Variants in LMNA observed in about 807,000 individuals in gnomAD.
LMNA encodes the protein lamin A/C, also known as lamin.
Under a neutral mutation model 70.4 loss-of-function variants are expected in LMNA, and 20 were observed. That is an observed-to-expected ratio of 0.28 (90% CI 0.20 to 0.41). The LOEUF (loss-of-function observed/expected upper bound fraction) is 0.41. Ranked by LOEUF, LMNA falls within the 10% of genes least tolerant of loss-of-function variation. LMNA has a pLI of 1.00. For synonymous variants in LMNA, 339 were observed against 372.8 expected, an observed-to-expected ratio of 0.91 and a Z score of 1.04; for missense variants, 652 against 917.2, an observed-to-expected ratio of 0.71 and a Z score of 3.73.
chr1:156,127,407 G>A (rs1337267521), intron 1 of LMNA, among the ~76,000 whole-genome samples: 1 of 151,572 alleles, frequency 6.6e-6, no homozygotes, highest in Admixed American at 6.6e-5. Context: ...CTCTCTGCTC[G>A]TGGTTTTTCT....
chr1:156,104,847 G>C (rs748862901), intron 3 of LMNA, among the ~76,000 whole-genome samples: 1 of 152,156 alleles, frequency 6.6e-6, no homozygotes, highest in Non-Finnish European at 1.5e-5. Context: ...TGTTTTGCTG[G>C]ACCCCATACT....
chr1:156,092,306 G>A (rs555575897), intron 3 of LMNA, among the ~76,000 whole-genome samples: 1 of 152,246 alleles, frequency 6.6e-6, no homozygotes, highest in Admixed American at 6.5e-5. Flanking sequence ...GAGCACTTGA[G>A]TTCAAGGTTA....
intron 3 of LMNA, among the ~76,000 whole-genome samples, chr1:156,101,692 T>G: frequency 7.9e-6 from 1 of 126,360 alleles, no homozygotes; most frequent in African/African-American, 3.1e-5. Flanking sequence ...CTATGGTTTA[T>G]AGAGGAGAAA....
At chr1:156,126,287 C>A in intron 1 of LMNA, 1 of 1,248,942 alleles carries the variant, frequency 8.0e-7, no homozygotes, top group Non-Finnish European at 1.1e-6. Context: ...GCTCCTCCAC[C>A]TCCCCTTTGT....
intron 3 of LMNA, among the ~76,000 whole-genome samples, chr1:156,093,191 A>G (rs1648776294): frequency 6.6e-6 from 1 of 151,116 alleles, no homozygotes; most frequent in African/African-American, 2.4e-5. Flanking sequence ...CTCCCAGCCC[A>G]CATGGACTTT....
In LMNA at chr1:156,136,892, G is replaced by A. The variant is rs761738302; in HGVS notation, c.1381-29G>A. On this transcript the variant is annotated intron_variant, in intron 7 of 11. Transcript: ENST00000368300. The surrounding 1 kb of genome is among the most constrained non-coding windows in gnomAD (Gnocchi z 6.1). ...CCCAAGAGCCTGGGTGAGCCTCCCCGACCTTCCTCTTCCCTATCTTCCCGG... is the reference window on the plus strand; with the variant it reads ...CCCAAGAGCCTGGGTGAGCCTCCCCAACCTTCCTCTTCCCTATCTTCCCGG... 22 of 1,598,540 alleles carry A rather than the reference G, an allele frequency of 1.4e-5. No individual in the cohort carries two copies. Among genetic ancestry groups the A allele is most frequent in the East Asian group, 2.3e-5 (1 of 44,296 alleles).
At chr1:156,110,350 A>G (rs1209792818), upstream of LMNA, among the ~76,000 whole-genome samples, 3 of 152,220 alleles carry the variant, frequency 2.0e-5, no homozygotes, top group Non-Finnish European at 4.4e-5. Flanking sequence ...TATTTGTTGA[A>G]TGAATGAATT....
At chr1:156,085,478 A>G (rs946696771) in intron 2 of LMNA, among the ~76,000 whole-genome samples, 4 of 152,176 alleles carry the variant, frequency 2.6e-5, no homozygotes, top group Admixed American at 2.0e-4. Flanking sequence ...ATGACCAGAA[A>G]GGTGTAGAGG....
chr1:156,089,219 C>T lies in LMNA; in HGVS notation c.-318-1252C>T, dbSNP rs187192724. 3.9e-5 allele frequency among the ~76,000 whole-genome samples: 6 copies of T among 152,168 alleles called. No individual in the cohort carries two copies. In the East Asian group the frequency reaches 1.2e-3, roughly 29 times the overall value. Reference sequence around the variant, plus strand: ...GTCAAACTCCTGAGCTCAAGTGATCCGCCTACCTCAGCCTCTCAAAGTGCT... The same window carrying T: ...GTCAAACTCCTGAGCTCAAGTGATCTGCCTACCTCAGCCTCTCAAAGTGCT... On this transcript the variant is annotated intron_variant, in intron 2 of 12. Coordinates refer to the LMNA transcript ENST00000368301.
intron 3 of LMNA, among the ~76,000 whole-genome samples, chr1:156,108,770 A>T (rs1271805690): frequency 6.6e-6 from 1 of 152,194 alleles, no homozygotes; most frequent in African/African-American, 2.4e-5. Flanking sequence ...ATCTCAAAAA[A>T]AAAAAAATCC....
Position 156,137,902 on chromosome 1 carries a change from T to G in LMNA, c.1698+159T>G. On this transcript the variant is annotated intron_variant, in intron 10 of 11. Coordinates refer to ENST00000368300, the MANE Select transcript of LMNA (RefSeq NM_170707.4). This position sits in a 1 kb window ranked among gnomAD's most constrained non-coding sequence, Gnocchi z 4.6. ...TGGCCTTTCTTCTCTCTCCTCCCTA[T>G]ACCTTGAACAGGGAACCCAGGTGTC... The G allele has an allele frequency of 9.1e-6, 13 of 1,431,500 alleles. No homozygotes were observed. Among genetic ancestry groups the G allele is most frequent in the African/African-American group, 1.4e-5 (1 of 70,640 alleles). The allele number at this position is 1,431,500 out of a possible 1,614,324, so 88.7% of individuals were successfully genotyped here.
In LMNA at chr1:156,115,352, A is replaced by G; in HGVS notation, c.356+78A>G. 7.4e-7 allele frequency: 1 copy of G among 1,342,718 alleles called. No individual in the cohort carries two copies. Among genetic ancestry groups the G allele is most frequent in the Non-Finnish European group, 1.0e-6 (1 of 968,580 alleles). 83.2% of individuals were successfully genotyped at this position (1,342,718 alleles called of 1,614,324 possible). A position where few individuals can be genotyped will look rare whatever the true frequency, so the allele number is the denominator to read the frequency against. ...GCCGGCGCCCCTGGCCGGCCGCAGG[A>G]AGGGAGTGAGAGGGCCTGGAGGCCG... is the stretch of plus-strand genomic sequence containing the variant. On this transcript the variant is annotated intron_variant, in intron 1 of 11. Coordinates refer to ENST00000368300, the MANE Select transcript of LMNA (RefSeq NM_170707.4). The surrounding 1 kb of genome is among the most constrained non-coding windows in gnomAD (Gnocchi z 5.8).
At chr1:156,112,559 C>T (rs1376225221), upstream of LMNA, among the ~76,000 whole-genome samples, 2 of 152,204 alleles carry the variant, frequency 1.3e-5, no homozygotes, top group Non-Finnish European at 2.9e-5. Context: ...TGGCTTACCC[C>T]TCCTGCCTCT....
At chr1:156,089,036 G>A (rs971264444) in intron 2 of LMNA, among the ~76,000 whole-genome samples, 2 of 152,088 alleles carry the variant, frequency 1.3e-5, no homozygotes, top group African/African-American at 2.4e-5. Flanking sequence ...ATAATACTGC[G>A]GCATGATCTT....
At chr1:156,139,009 G>A in intron 11 of LMNA, 71 bp from the exon 12 acceptor site, 1 of 1,533,750 alleles carries the variant, frequency 6.5e-7, no homozygotes, top group Non-Finnish European at 9.0e-7. Context: ...CTCCCTTCTA[G>A]GGGCCAGGGG....
Position 156,139,896 on chromosome 1 carries a change from C to CT in LMNA, c.*791dup. 1 of 1,407,166 alleles carries CT rather than the reference C, an allele frequency of 7.1e-7. No homozygotes were observed. Among genetic ancestry groups the CT allele is most frequent in the Non-Finnish European group, 9.3e-7 (1 of 1,070,850 alleles). The allele number at this position is 1,407,166 out of a possible 1,614,324, so 87.2% of individuals were successfully genotyped here. A position where few individuals can be genotyped will look rare whatever the true frequency, so the allele number is the denominator to read the frequency against. On this transcript the variant is annotated 3_prime_UTR_variant, in exon 12 of 12. Transcript: ENST00000368300. ...CTGGAGGTTGAAGCCAAGTGGGGTG[C>CT]TGGGAGGAGGGAGAGGGAGGTCACT...
chr1:156,127,055 C>T (rs1224575922), intron 1 of LMNA: 15 of 805,520 alleles, frequency 1.9e-5, no homozygotes, highest in Non-Finnish European at 2.3e-5. Context: ...AGCACGGGGA[C>T]GGCACTCAGC....
chr1:156,118,045 A>G (rs1033505327), intron 1 of LMNA, among the ~76,000 whole-genome samples: 1 of 142,634 alleles, frequency 7.0e-6, no homozygotes, highest in African/African-American at 2.7e-5. Flanking sequence ...GCTGGTTCCG[A>G]AGTTTTGGCC....
rs115963185 is a variant in LMNA at position 156,100,108 on chromosome 1, C to T, written c.-207+9526C>T. Among the ~76,000 whole-genome samples the T allele has an allele frequency of 5.2e-3, 788 of 152,216 alleles. 5 individuals carry two copies. The highest frequency in any genetic ancestry group is 0.019 in the African/African-American group (775 of 41,522). ...TCTGCATAGCCCTGGAGGTGCTGCA[C>T]TTTGGAAGAGAGCTCATTACCACCA... is the stretch of plus-strand genomic sequence containing the variant. On this transcript the variant is annotated intron_variant, in intron 3 of 12. Coordinates refer to the LMNA transcript ENST00000368301.
Sources: gnomAD v4.1 joint callset for allele counts (sites outside exome capture counted in the v4.1 genomes callset) on GRCh38, gnomAD v4.1.1 for gene constraint, Gnocchi (gnomAD v3.1) non-coding constraint, MANE v1.5 for transcripts, NCBI Gene and HGNC (gene_info 2026-07-23, HGNC 2026-07-21) for gene names.